VAX2: variants seen among roughly 807,000 people sequenced by gnomAD.
VAX2 encodes the protein ventral anterior homeobox 2.
A neutral mutation model predicts 12.5 loss-of-function variants in VAX2; 8 were observed. The ratio of observed to expected loss-of-function variants is 0.64; its 90% CI spans 0.37 to 1.15. VAX2 has a LOEUF of 1.15. Among genes scored for constraint, VAX2 ranks in the 50% most tolerant of loss-of-function variants. The pLI, the probability that VAX2 is intolerant of heterozygous loss-of-function variation, is 0.01. For synonymous variants in VAX2, 183 were observed against 187.6 expected (o/e 0.98, Z 0.20); for missense variants, 476 against 412.9 (o/e 1.15, Z -1.32).
intron 2 of VAX2, among the ~76,000 whole-genome samples, chr2:70,926,765 A>T (rs989160643): frequency 6.6e-6 from 1 of 152,228 alleles, no homozygotes; most frequent in South Asian, 2.1e-4. Context: ...CATGTTGCTT[A>T]AAAGACTTCA....
rs1553414509 is a variant in VAX2 at position 70,932,748 on chromosome 2, C to T, written c.436-19C>T. ...GCCTGTCCCATCTCCCTCCTTGACACCCCCTCCCCCACCCCAAGGTGAAGG... is the reference window on the plus strand; with the variant it reads ...GCCTGTCCCATCTCCCTCCTTGACATCCCCTCCCCCACCCCAAGGTGAAGG... On this transcript the variant is annotated intron_variant, in intron 2 of 2. Transcript: ENST00000234392. 3 of 1,481,170 alleles carry T rather than the reference C, an allele frequency of 2.0e-6. No individual in the cohort carries two copies. Among genetic ancestry groups the T allele is most frequent in the Admixed American group, 2.1e-5 (1 of 47,452 alleles). The allele number at this position is 1,481,170 out of a possible 1,614,324, so 91.8% of individuals were successfully genotyped here. A position where few individuals can be genotyped will look rare whatever the true frequency, so the allele number is the denominator to read the frequency against.
intron 1 of VAX2, among the ~76,000 whole-genome samples, chr2:70,903,238 C>A (rs782527812): frequency 6.6e-6 from 1 of 152,200 alleles, no homozygotes; most frequent in Non-Finnish European, 1.5e-5. Context: ...GAGAACACAT[C>A]CTCCCAAAGA....
At chr2:70,925,134 G>A (rs1450115683) in intron 2 of VAX2, among the ~76,000 whole-genome samples, 1 of 152,230 alleles carries the variant, frequency 6.6e-6, no homozygotes, top group Admixed American at 6.5e-5. Context: ...TGGGTAAGTA[G>A]GTAGGGGAGG....
intron 1 of VAX2, among the ~76,000 whole-genome samples, chr2:70,905,155 A>C (rs373408838): frequency 2.1e-3 from 320 of 152,208 alleles, no homozygotes; most frequent in African/African-American, 7.4e-3. Flanking sequence ...GCAGGCGTTT[A>C]GTAAGGACCA....
At chr2:70,919,712 C>T (rs552656940) in intron 1 of VAX2, among the ~76,000 whole-genome samples, 8 of 151,556 alleles carry the variant, frequency 5.3e-5, no homozygotes, top group Non-Finnish European at 8.8e-5. Context: ...ATTAGCAGGG[C>T]GTGGTGGTGT....
intron 1 of VAX2, among the ~76,000 whole-genome samples, chr2:70,920,543 C>T (rs1679433983): frequency 6.6e-6 from 1 of 152,068 alleles, no homozygotes; most frequent in South Asian, 2.1e-4. Context: ...CTCAGCTCCC[C>T]AGACTGTCCT....
At chr2:70,917,038 C>T (rs1273693839) in intron 1 of VAX2, among the ~76,000 whole-genome samples, 10 of 151,138 alleles carry the variant, frequency 6.6e-5, no homozygotes, top group African/African-American at 2.4e-4. Flanking sequence ...GTAATCCCAG[C>T]TACTTAGGAG....
Position 70,906,520 on chromosome 2 carries a change from C to CTTTTTTTTTTTTTT in VAX2, c.247+5665_247+5678dup, listed in dbSNP as rs869309305. On this transcript the variant is annotated intron_variant, in intron 1 of 2. Transcript: ENST00000234392. ...CTTTCTTTTTTTTTCTTTTCTTTTCCTTTTTTTTTTTTTTTTTTTTTTTTT... is the reference window on the plus strand; with the variant it reads ...CTTTCTTTTTTTTTCTTTTCTTTTCCTTTTTTTTTTTTTTTTTTTTTTTTTTTTTTTTTTTTTTT... Among the ~76,000 whole-genome samples, 112 of 60,598 alleles carry CTTTTTTTTTTTTTT rather than the reference C, an allele frequency of 1.8e-3. 8 individuals carry two copies. The highest frequency in any genetic ancestry group is 2.8e-3 in the South Asian group (3 of 1,084). 39.8% of individuals were successfully genotyped at this position (60,598 alleles called of 152,430 possible).
chr2:70,920,031 C>T (rs1679417358), intron 1 of VAX2, among the ~76,000 whole-genome samples: 1 of 152,136 alleles, frequency 6.6e-6, no homozygotes, highest in African/African-American at 2.4e-5. Context: ...TATTGGAATT[C>T]CTGCACCTGT....
intron 1 of VAX2, among the ~76,000 whole-genome samples, chr2:70,901,399 G>T (rs1318898437): frequency 6.6e-6 from 1 of 152,240 alleles, no homozygotes; most frequent in Non-Finnish European, 1.5e-5. Context: ...CGCGGGACGC[G>T]GAGGGTGGCG....
At chr2:70,928,755 T>A (rs1480365911) in intron 2 of VAX2, among the ~76,000 whole-genome samples, 2 of 152,052 alleles carry the variant, frequency 1.3e-5, no homozygotes. Context: ...AGGACTGGAG[T>A]CATGACATCT....
intron 1 of VAX2, among the ~76,000 whole-genome samples, chr2:70,905,260 C>A (rs1445991900): frequency 6.6e-6 from 1 of 152,176 alleles, no homozygotes; most frequent in Non-Finnish European, 1.5e-5. Context: ...ATGGTTCATG[C>A]AAGGAATTGC....
rs1160190900 is a variant in VAX2, at chr2:70,904,393, G to A, written c.247+3525G>A. The stretch of plus-strand genomic sequence containing the variant: ...CTGACCGCAGACTCCCTACAACCCC[G>A]CGATCGATGCTCCACCTGCACGCTC... On this transcript the variant is annotated intron_variant, in intron 1 of 2. Transcript: ENST00000234392. The surrounding 1 kb of genome is among the most constrained non-coding windows in gnomAD (Gnocchi z 4.2). Among the ~76,000 whole-genome samples the A allele has an allele frequency of 6.6e-6, 1 of 152,152 alleles. No individual in the cohort carries two copies. The highest frequency in any genetic ancestry group is 1.5e-5 in the Non-Finnish European group (1 of 68,036).
intron 2 of VAX2, among the ~76,000 whole-genome samples, chr2:70,922,070 T>G (rs897636529): frequency 4.5e-4 from 68 of 152,276 alleles, no homozygotes; most frequent in African/African-American, 1.5e-3. Flanking sequence ...ATGCCCAAGG[T>G]CAGACAACTA....
chr2:70,930,864 G>A (rs1199312393), intron 2 of VAX2, among the ~76,000 whole-genome samples: 2 of 151,990 alleles, frequency 1.3e-5, no homozygotes, highest in South Asian at 2.1e-4. Flanking sequence ...TCCCCTCCAC[G>A]GTTCTCACCC....
chr2:70,920,325 T>C (rs1159823049), intron 1 of VAX2, among the ~76,000 whole-genome samples: 1 of 152,174 alleles, frequency 6.6e-6, no homozygotes, highest in Non-Finnish European at 1.5e-5. Context: ...AAGTTCTTTA[T>C]CAGGAATGTG....
intron 1 of VAX2, among the ~76,000 whole-genome samples, chr2:70,909,808 T>C (rs782249936): frequency 2.6e-5 from 4 of 152,216 alleles, no homozygotes; most frequent in Non-Finnish European, 4.4e-5. Flanking sequence ...CCTCTATTAA[T>C]GGATATTTAG....
chr2:70,927,330 G>C (rs1553413680), intron 2 of VAX2, among the ~76,000 whole-genome samples: 1 of 151,798 alleles, frequency 6.6e-6, no homozygotes, highest in African/African-American at 2.4e-5. Flanking sequence ...CCAGGAGCCA[G>C]GTGGAGAACA....
chr2:70,915,200 C>A (rs1344981086), intron 1 of VAX2, among the ~76,000 whole-genome samples: 1 of 151,808 alleles, frequency 6.6e-6, no homozygotes, highest in East Asian at 1.9e-4. Flanking sequence ...TTAATATAGT[C>A]AAATACATCC....
Sources: allele counts gnomAD v4.1 joint callset (sites outside exome capture counted in the v4.1 genomes callset), GRCh38; gene constraint gnomAD v4.1.1; non-coding constraint Gnocchi (gnomAD v3.1); transcripts MANE v1.5; gene names NCBI Gene and HGNC (gene_info 2026-07-23, HGNC 2026-07-21).